The following LTA4H variants were observed in gnomAD, a reference collection of about 807,000 sequenced individuals.
LTA4H encodes leukotriene A4 hydrolase.
LTA4H carries 59 observed loss-of-function variants against 89.8 expected under a neutral mutation model. The observed-to-expected ratio is 0.66, with a 90% CI of 0.53 to 0.82. The LOEUF is 0.82. Among genes scored for constraint, LTA4H ranks in the 40% least tolerant of loss-of-function variants. The pLI, the probability that LTA4H is intolerant of heterozygous loss-of-function variation, is 0.00. For synonymous variants in LTA4H, 227 were observed against 253.1 expected (o/e 0.90, Z 0.98); for missense variants, 617 against 727.0 (o/e 0.85, Z 1.74).
chr12:96,029,297 A>T, intron 1 of LTA4H, 112 bp from the exon 2 acceptor site: 1 of 525,194 alleles, frequency 1.9e-6, no homozygotes, highest in East Asian at 3.4e-5. Flanking sequence ...ATACAGAGTG[A>T]AATTAGAAGA....
intron 1 of LTA4H, among the ~76,000 whole-genome samples, chr12:96,031,102 TA>T (rs1950566531): frequency 6.6e-6 from 1 of 152,246 alleles, no homozygotes; most frequent in South Asian, 2.1e-4. Context: ...TAGTGACAAC[TA>T]TTTTTTGTGA....
rs1286400716 is a variant in LTA4H at position 96,019,160 on chromosome 12, T to G, written c.711+8A>C. 1.2e-6 allele frequency: 2 copies of G among 1,608,624 alleles called. No individual in the cohort carries two copies. The highest frequency in any genetic ancestry group is 2.2e-5 in the South Asian group (2 of 89,814). On this transcript the variant is annotated splice_region_variant and intron_variant, in intron 7 of 18. Coordinates refer to ENST00000228740, the MANE Select transcript of LTA4H (RefSeq NM_000895.3). ...ACAATGATTACAAAGGATAACTAAATGACCAACCTCAGAAAACTCATAAGC... is the reference window on the plus strand; with the variant it reads ...ACAATGATTACAAAGGATAACTAAAGGACCAACCTCAGAAAACTCATAAGC...
rs138879071 is a variant in LTA4H, at chr12:96,022,079, C to T, written c.585+68G>A. On this transcript the variant is annotated intron_variant, in intron 5 of 18. Coordinates refer to ENST00000228740, the MANE Select transcript of LTA4H (RefSeq NM_000895.3). The surrounding 1 kb of genome is among the most constrained non-coding windows in gnomAD (Gnocchi z 4.0). ...AATATTTCAAAAGTAATTTTGCCCTCTGGATGTGTACAAGCTAACTGTAGT... is the reference window on the plus strand; with the variant it reads ...AATATTTCAAAAGTAATTTTGCCCTTTGGATGTGTACAAGCTAACTGTAGT... 2.7e-5 allele frequency: 26 copies of T among 957,550 alleles called. No homozygotes were observed. In the African/African-American group the frequency reaches 3.9e-4, roughly 15 times the overall value. 59.3% of individuals were successfully genotyped at this position (957,550 alleles called of 1,614,324 possible). A position where few individuals can be genotyped will look rare whatever the true frequency, so the allele number is the denominator to read the frequency against.
upstream of LTA4H, chr12:96,035,677 T>C (rs1340143485): frequency 2.1e-6 from 3 of 1,422,848 alleles, no homozygotes; most frequent in East Asian, 2.6e-5. Context: ...CAGACGAGCG[T>C]TGGGGGATGG....
chr12:96,039,141 T>C (rs1950669848), upstream of LTA4H, among the ~76,000 whole-genome samples: 1 of 151,996 alleles, frequency 6.6e-6, no homozygotes, highest in African/African-American at 2.4e-5. Context: ...TCCCAGCACT[T>C]TGGGAAGCTG....
chr12:96,026,700 T>C (rs747588012), intron 3 of LTA4H, among the ~76,000 whole-genome samples: 1 of 152,162 alleles, frequency 6.6e-6, no homozygotes, highest in African/African-American at 2.4e-5. Flanking sequence ...CACAGGAATA[T>C]TGGGAGGGAT....
chr12:96,015,797 G>GT (rs1317998716), intron 10 of LTA4H, 103 bp from the exon 11 acceptor site: 4 of 768,150 alleles, frequency 5.2e-6, no homozygotes, highest in Non-Finnish European at 8.6e-6. Context: ...GAAAGCAGTT[G>GT]TAAGGCATGA....
At position 96,009,092 on chromosome 12, in the gene LTA4H, A is replaced by G; in HGVS notation, c.1434+2T>C. 1 of 1,588,642 alleles carries G rather than the reference A, an allele frequency of 6.3e-7. No homozygotes were observed. Among genetic ancestry groups the G allele is most frequent in the Non-Finnish European group, 8.6e-7 (1 of 1,158,370 alleles). The stretch of plus-strand genomic sequence containing the variant: ...AATCAAAAATCACACATTATTACTT[A>G]CAGTAATCCATCTTTGACTTAAGGC... On this transcript the variant is annotated splice_donor_variant, in intron 15 of 18. Coordinates refer to ENST00000228740, the MANE Select transcript of LTA4H (RefSeq NM_000895.3). LOFTEE classifies it high-confidence loss of function.
rs764110970 is a variant in LTA4H at position 96,029,142 on chromosome 12, T to C, written c.203A>G (p.Asn68Ser). 10 of 1,583,744 alleles carry C rather than the reference T, an allele frequency of 6.3e-6. No individual in the cohort carries two copies. In the African/African-American group the frequency reaches 1.3e-4, roughly 21 times the overall value. Residue 68 changes from asparagine to serine, a missense_variant, in exon 2 of 19, where the codon AAT becomes AGT. Transcript: ENST00000228740. ...AAGAGCATATTTGACTTCTTGTCCA[T>C]TGATCACTACTTTTTCTATTGTAAG... is the stretch of plus-strand genomic sequence containing the variant. ...KDLTIEKVVINGQEVKYALGE... is the reference protein window; with the variant it reads ...KDLTIEKVVISGQEVKYALGE...
chr12:96,003,114 A>G, intron 17 of LTA4H, 50 bp from the exon 18 acceptor site: 1 of 1,123,328 alleles, frequency 8.9e-7, no homozygotes, highest in Non-Finnish European at 1.3e-6. Flanking sequence ...AGGAAGGGGC[A>G]GGATATGACA....
rs778593906 is a variant in LTA4H, at chr12:96,013,715, G to A, written c.1308+35C>T. 4.7e-6 allele frequency: 5 copies of A among 1,062,484 alleles called. No homozygotes were observed. The African/African-American group carries it at 4.8e-5, about 10-fold the overall frequency. The allele number at this position is 1,062,484 out of a possible 1,614,324, so 65.8% of individuals were successfully genotyped here. A position where few individuals can be genotyped will look rare whatever the true frequency, so the allele number is the denominator to read the frequency against. ...ATCAGTCAATAAATAGAGATATATCGAGCATGAAAAATAGAAAAGGTTTTT... is the reference window on the plus strand; with the variant it reads ...ATCAGTCAATAAATAGAGATATATCAAGCATGAAAAATAGAAAAGGTTTTT... On this transcript the variant is annotated intron_variant, in intron 13 of 18. Transcript: ENST00000228740.
At chr12:96,017,252 ATCTT>A (rs1950392379) in intron 9 of LTA4H, 138 bp from the exon 10 acceptor site, 2 of 667,298 alleles carry the variant, frequency 3.0e-6, no homozygotes, top group Non-Finnish European at 5.2e-6. Flanking sequence ...GTTCAGCAAA[ATCTT>A]TAATTTAACC....
intron 1 of LTA4H, among the ~76,000 whole-genome samples, chr12:96,040,839 T>C (rs1179454607): frequency 6.6e-6 from 1 of 152,242 alleles, no homozygotes; most frequent in African/African-American, 2.4e-5. Context: ...CTGGTCTCAG[T>C]TGGGTGAGTT....
intron 11 of LTA4H, chr12:96,015,314 T>A: frequency 2.0e-6 from 1 of 504,872 alleles, no homozygotes; most frequent in South Asian, 3.5e-5. Context: ...ACATACCAAA[T>A]AAGATGCAAA....
chr12:96,000,824 C>G lies in LTA4H; in HGVS notation c.*165G>C, dbSNP rs1950087056. The G allele has an allele frequency of 1.4e-5, 7 of 517,586 alleles. No individual in the cohort carries two copies. Among genetic ancestry groups the G allele is most frequent in the Non-Finnish European group, 2.1e-5 (6 of 287,688 alleles). The allele number at this position is 517,586 out of a possible 1,614,324, so 32.1% of individuals were successfully genotyped here. A position where few individuals can be genotyped will look rare whatever the true frequency, so the allele number is the denominator to read the frequency against. ...CTTGTTAAAATTTACAAAGAATATG[C>G]CACTATAAGAAGAAGTAGCTCAACT... On this transcript the variant is annotated 3_prime_UTR_variant, in exon 19 of 19. Transcript: ENST00000228740.
chr12:96,012,933 C>A, intron 14 of LTA4H: 1 of 409,846 alleles, frequency 2.4e-6, no homozygotes, highest in Non-Finnish European at 4.4e-6. Flanking sequence ...AAGGAAGATA[C>A]AATAGCTTAT....
Position 96,018,768 on chromosome 12 carries a change from G to A in LTA4H, c.847C>T (p.Leu283=). 6.4e-7 allele frequency: 1 copy of A among 1,574,376 alleles called. No individual in the cohort carries two copies. The highest frequency in any genetic ancestry group is 1.4e-5 in the African/African-American group (1 of 73,022). ...GAAGAAACATTTACACTTACCAGTA[G>A]AGTAGGAGTTACAAAAGTAAGGCAA... ...NPCLTFVTPT[L]LAGDKSLSNV... The change falls in exon 8 of 19, where the codon CTA becomes TTA. Residue 283 remains leucine, a synonymous_variant. Transcript: ENST00000228740.
At chr12:96,029,380 A>C (rs747046815) in intron 1 of LTA4H, among the ~76,000 whole-genome samples, 195 bp from the exon 2 acceptor site, 9 of 152,166 alleles carry the variant, frequency 5.9e-5, no homozygotes, top group Non-Finnish European at 7.3e-5. Context: ...TTGGGTTCTA[A>C]GATTTGCATA....
In LTA4H at chr12:96,022,126, A is replaced by G; in HGVS notation, c.585+21T>C. The G allele has an allele frequency of 6.4e-7, 1 of 1,566,810 alleles. No homozygotes were observed. The highest frequency in any genetic ancestry group is 8.8e-7 in the Non-Finnish European group (1 of 1,138,208). ...TAGTTTACCGCCAATGAAAACAAAA[A>G]TCTAGACCCTAGGATCTTACTTTTT... is the stretch of plus-strand genomic sequence containing the variant. On this transcript the variant is annotated intron_variant, in intron 5 of 18. Transcript: ENST00000228740. This position sits in a 1 kb window ranked among gnomAD's most constrained non-coding sequence, Gnocchi z 4.0.
Sources: gnomAD v4.1 joint callset for allele counts (sites outside exome capture counted in the v4.1 genomes callset) on GRCh38, gnomAD v4.1.1 for gene constraint, Gnocchi (gnomAD v3.1) non-coding constraint, MANE v1.5 for transcripts, NCBI Gene and HGNC (gene_info 2026-07-23, HGNC 2026-07-21) for gene names.